Variants in MIS18A observed in about 807,000 individuals in gnomAD.
The protein encoded by MIS18A is MIS18 kinetochore protein A.
MIS18A carries 14 observed loss-of-function variants against 25.0 expected under a neutral mutation model. The ratio of observed to expected loss-of-function variants is 0.56; its 90% confidence interval spans 0.37 to 0.88. The LOEUF (loss-of-function observed/expected upper bound fraction) is 0.88. Among genes scored for constraint, MIS18A ranks in the 40% least tolerant of loss-of-function variants. The probability of loss-of-function intolerance (pLI) is 0.00; values close to 1 mark genes in which losing one functional copy is unlikely to be tolerated. For missense variants in MIS18A, 292 were observed against 290.8 expected, an observed-to-expected ratio of 1.00 and a Z score of -0.03; for synonymous variants, 134 against 118.6, an observed-to-expected ratio of 1.13 and a Z score of -0.84.
the MIS18A span, among the ~76,000 whole-genome samples, chr21:32,218,807 T>A: frequency 6.6e-6 from 1 of 152,018 alleles, no homozygotes; most frequent in Non-Finnish European, 1.5e-5. Flanking sequence ...TAGAAATAAA[T>A]CTTATCAGCC....
chr21:32,207,237 A>G, the MIS18A span, among the ~76,000 whole-genome samples: 1 of 152,236 alleles, frequency 6.6e-6, no homozygotes, highest in African/African-American at 2.4e-5. Context: ...AAAATGGATA[A>G]ATGCAAAAAT....
the MIS18A span, among the ~76,000 whole-genome samples, chr21:32,242,790 G>A: frequency 6.6e-6 from 1 of 152,222 alleles, no homozygotes; most frequent in South Asian, 2.1e-4. Context: ...ATGGACAGGG[G>A]TAGTGAAGAC....
the MIS18A span, among the ~76,000 whole-genome samples, chr21:32,161,944 C>T: frequency 3.9e-5 from 6 of 151,954 alleles, no homozygotes; most frequent in African/African-American, 1.5e-4. Flanking sequence ...ACTCTACTTT[C>T]CACTAGATTA....
At chr21:32,253,064 G>A in the MIS18A span, among the ~76,000 whole-genome samples, 1 of 152,214 alleles carries the variant, frequency 6.6e-6, no homozygotes, top group African/African-American at 2.4e-5. Flanking sequence ...TGCTTTAGGG[G>A]AGCTGTGCTC....
the MIS18A span, among the ~76,000 whole-genome samples, chr21:32,205,077 C>A: frequency 6.8e-6 from 1 of 147,796 alleles, no homozygotes; most frequent in African/African-American, 2.5e-5. Context: ...TTACTAATTA[C>A]ATCCTTATAA....
intron 1 of MIS18A, among the ~76,000 whole-genome samples, chr21:32,277,257 A>G (rs2031831136): frequency 6.6e-6 from 1 of 152,228 alleles, no homozygotes; most frequent in South Asian, 2.1e-4. Flanking sequence ...TGTTATAAAA[A>G]TTAAATAACA....
chr21:32,194,376 T>A, the MIS18A span, among the ~76,000 whole-genome samples: 1 of 152,122 alleles, frequency 6.6e-6, no homozygotes, highest in African/African-American at 2.4e-5. Flanking sequence ...GATATAGATA[T>A]AGGCCAGGCA....
Position 32,268,797 on chromosome 21 carries a change from T to G in MIS18A, c.*240A>C, listed in dbSNP as rs879182415. On this transcript the variant is annotated 3_prime_UTR_variant, in exon 5 of 5. Transcript: ENST00000290130. ...TAGAAGTAATTCTACAATTTTGGGTTTTTTTTTTGAGAGAAGGTCTCACTC... is the reference window on the plus strand; with the variant it reads ...TAGAAGTAATTCTACAATTTTGGGTGTTTTTTTTGAGAGAAGGTCTCACTC... 129 of 335,860 alleles carry G rather than the reference T, an allele frequency of 3.8e-4. No homozygotes were observed. The highest frequency in any genetic ancestry group is 5.6e-4 in the Non-Finnish European group (103 of 182,734). 20.8% of individuals were successfully genotyped at this position (335,860 alleles called of 1,614,324 possible). A position where few individuals can be genotyped will look rare whatever the true frequency, so the allele number is the denominator to read the frequency against.
At chr21:32,171,221 T>C in the MIS18A span, among the ~76,000 whole-genome samples, 1 of 152,070 alleles carries the variant, frequency 6.6e-6, no homozygotes, top group African/African-American at 2.4e-5. Flanking sequence ...TATGATCTTC[T>C]GTATAAAAAG....
At chr21:32,162,534 T>C in the MIS18A span, among the ~76,000 whole-genome samples, 1 of 152,152 alleles carries the variant, frequency 6.6e-6, no homozygotes. Flanking sequence ...CCTCCCAACA[T>C]TGTGCACCTT....
the MIS18A span, among the ~76,000 whole-genome samples, chr21:32,203,192 A>G: frequency 2.0e-5 from 3 of 152,020 alleles, no homozygotes; most frequent in African/African-American, 7.2e-5. Flanking sequence ...GAAAAAAAAA[A>G]TGAGGATTGC....
chr21:32,253,236 G>A, the MIS18A span, among the ~76,000 whole-genome samples: 1 of 152,130 alleles, frequency 6.6e-6, no homozygotes, highest in Non-Finnish European at 1.5e-5. Context: ...GCTCTATGCC[G>A]CTTTGCGTGT....
At chr21:32,250,218 C>T in the MIS18A span, among the ~76,000 whole-genome samples, 1 of 151,942 alleles carries the variant, frequency 6.6e-6, no homozygotes, top group Non-Finnish European at 1.5e-5. Flanking sequence ...TAGATTTTTC[C>T]TAATTATAAA....
At chr21:32,190,130 A>G in the MIS18A span, among the ~76,000 whole-genome samples, 1 of 152,202 alleles carries the variant, frequency 6.6e-6, no homozygotes, top group African/African-American at 2.4e-5. Flanking sequence ...AGATAGTGAA[A>G]TTGATTTTTT....
the MIS18A span, among the ~76,000 whole-genome samples, chr21:32,242,358 T>C: frequency 1.3e-5 from 2 of 152,364 alleles, no homozygotes; most frequent in East Asian, 1.9e-4. Flanking sequence ...ATCATATTCT[T>C]CTACTGAGTA....
At chr21:32,264,059 C>T (rs1358466728), downstream of MIS18A, among the ~76,000 whole-genome samples, 1 of 152,068 alleles carries the variant, frequency 6.6e-6, no homozygotes, top group Non-Finnish European at 1.5e-5. Context: ...GAATTTCATA[C>T]TGTATAATCA....
the MIS18A span, among the ~76,000 whole-genome samples, chr21:32,156,146 G>A: frequency 6.6e-6 from 1 of 152,060 alleles, no homozygotes; most frequent in Non-Finnish European, 1.5e-5. Context: ...TGCTTACCTT[G>A]GAAATGTCAT....
At chr21:32,197,896 C>T in the MIS18A span, 1 of 152,190 alleles carries the variant, frequency 6.6e-6, no homozygotes, top group African/African-American at 2.4e-5. Flanking sequence ...AAAGAAATGG[C>T]TATTTTATTT....
At chr21:32,157,558 C>T in the MIS18A span, among the ~76,000 whole-genome samples, 117 of 151,946 alleles carry the variant, frequency 7.7e-4, no homozygotes, top group African/African-American at 2.8e-3. Flanking sequence ...TTTAAAGAAG[C>T]TAAATGATAC....
Sources: gnomAD v4.1 joint callset for allele counts (sites outside exome capture counted in the v4.1 genomes callset) on GRCh38, gnomAD v4.1.1 for gene constraint, MANE v1.5 for transcripts, NCBI Gene and HGNC (gene_info 2026-07-23, HGNC 2026-07-21) for gene names.